STOML3: variants seen among roughly 807,000 people sequenced by gnomAD.
The protein encoded by STOML3 is stomatin-like protein 3.
Under a neutral mutation model 29.5 loss-of-function variants are expected in STOML3, and 31 were observed. The ratio of observed to expected loss-of-function variants is 1.05; its 90% CI spans 0.79 to 1.42. STOML3 has a LOEUF of 1.42. STOML3 is among the 40% of genes most tolerant of loss of function. STOML3 has a pLI of 0.00. For missense variants in STOML3, 380 were observed against 363.0 expected (o/e 1.05, Z -0.38); for synonymous variants, 122 against 139.8 (o/e 0.87, Z 0.90).
chr13:38,974,767 G>A (rs553750380), intron 3 of STOML3, among the ~76,000 whole-genome samples: 1 of 152,208 alleles, frequency 6.6e-6, no homozygotes, highest in East Asian at 1.9e-4. Context: ...ACATTTAATA[G>A]TGAAATCTTA....
At chr13:38,970,096 G>C in intron 5 of STOML3, 89 bp downstream of exon 5, 1 of 1,213,946 alleles carries the variant, frequency 8.2e-7, no homozygotes, top group Non-Finnish European at 1.2e-6. Flanking sequence ...ATGTGGTGGG[G>C]GATGCTTTGA....
At chr13:38,974,253 A>G (rs1469220236) in intron 3 of STOML3, among the ~76,000 whole-genome samples, 1 of 152,160 alleles carries the variant, frequency 6.6e-6, no homozygotes, top group Non-Finnish European at 1.5e-5. Flanking sequence ...AAGGCTTTGC[A>G]TTATTGTTTT....
chr13:38,976,529 G>A lies in STOML3; in HGVS notation c.229+11C>T, dbSNP rs762050451. 72 of 1,613,952 alleles carry A rather than the reference G, an allele frequency of 4.5e-5. No individual in the cohort carries two copies. The highest frequency in any genetic ancestry group is 1.3e-4 in the Admixed American group (8 of 59,976). ...CTGATCTTTCAGGGGCAGCCACCGC[G>A]TCATTCATACCTGGCCCCTTGGCTT... On this transcript the variant is annotated intron_variant, in intron 3 of 6. Transcript: ENST00000379631.
intron 1 of STOML3, among the ~76,000 whole-genome samples, chr13:38,989,928 C>G (rs1370972115): frequency 4.0e-5 from 6 of 150,942 alleles, no homozygotes; most frequent in Admixed American, 1.3e-4. Context: ...ACACCATCAT[C>G]ACACACACAC....
At chr13:38,982,785 G>A (rs1375351772) in intron 1 of STOML3, among the ~76,000 whole-genome samples, 1 of 152,140 alleles carries the variant, frequency 6.6e-6, no homozygotes. Flanking sequence ...TGAGCTCCAA[G>A]ATGTTTACCC....
At chr13:38,981,554 A>G (rs956679760) in intron 1 of STOML3, among the ~76,000 whole-genome samples, 7 of 152,190 alleles carry the variant, frequency 4.6e-5, no homozygotes, top group African/African-American at 1.7e-4. Flanking sequence ...TAAATATTAG[A>G]TCAATACTAC....
intron 1 of STOML3, among the ~76,000 whole-genome samples, chr13:38,988,942 T>C (rs1031069609): frequency 6.9e-6 from 1 of 144,792 alleles, no homozygotes; most frequent in South Asian, 2.1e-4. Flanking sequence ...ATACAATATA[T>C]TATATATACT....
At chr13:38,983,512 G>A (rs1881338040) in intron 1 of STOML3, among the ~76,000 whole-genome samples, 1 of 152,156 alleles carries the variant, frequency 6.6e-6, no homozygotes, top group Admixed American at 6.6e-5. Context: ...ATATATGCAA[G>A]AGCTAAATTT....
At chr13:38,989,832 G>A (rs761199106) in intron 1 of STOML3, among the ~76,000 whole-genome samples, 3 of 151,934 alleles carry the variant, frequency 2.0e-5, no homozygotes, top group African/African-American at 7.3e-5. Flanking sequence ...AATGCCAAAC[G>A]TGTTCTCTAT....
chr13:38,984,722 G>A (rs76247625), intron 1 of STOML3, among the ~76,000 whole-genome samples: 14 of 152,196 alleles, frequency 9.2e-5, no homozygotes, highest in Non-Finnish European at 1.6e-4. Flanking sequence ...ACCTGACAAC[G>A]TATTTCTCAG....
chr13:38,980,567 T>C (rs1246729095), intron 1 of STOML3, among the ~76,000 whole-genome samples: 1 of 99,174 alleles, frequency 1.0e-5, no homozygotes, highest in African/African-American at 4.8e-5. Context: ...CAACACCTTT[T>C]TGGTCACTAA....
intron 1 of STOML3, chr13:38,980,009 A>G (rs1436670373): frequency 6.5e-7 from 1 of 1,529,680 alleles, no homozygotes; most frequent in Non-Finnish European, 8.9e-7. Context: ...CCTTAACACC[A>G]GCTGCACAAG....
chr13:38,972,401 C>T, intron 4 of STOML3, 111 bp downstream of exon 4: 1 of 1,024,386 alleles, frequency 9.8e-7, no homozygotes. Flanking sequence ...TGCGGGTACT[C>T]AGCTCATCTT....
intron 4 of STOML3, 22 bp from the exon 5 acceptor site, chr13:38,970,410 A>C: frequency 6.2e-7 from 1 of 1,601,982 alleles, no homozygotes. Flanking sequence ...GAACAGGGCA[A>C]AATCACTTAT....
Position 38,965,940 on chromosome 13 carries a change from A to T in STOML3, c.*885T>A, listed in dbSNP as rs1880624380. 2.0e-5 allele frequency: 3 copies of T among 152,196 alleles called. No homozygotes were observed. In the South Asian group the frequency reaches 6.2e-4, roughly 32 times the overall value. 9.4% of individuals were successfully genotyped at this position (152,196 alleles called of 1,614,324 possible). Reference sequence around the variant, plus strand: ...TCCCAAAAAGTAACTTTTGAAATTCATTTATATTCTATGCCTTCTTTGTTT... The same window carrying T: ...TCCCAAAAAGTAACTTTTGAAATTCTTTTATATTCTATGCCTTCTTTGTTT... On this transcript the variant is annotated 3_prime_UTR_variant, in exon 7 of 7. Transcript: ENST00000379631.
Position 38,976,701 on chromosome 13 carries a change from C to T in STOML3, c.149G>A (p.Cys50Tyr). 1 of 1,613,902 alleles carries T rather than the reference C, an allele frequency of 6.2e-7. No individual in the cohort carries two copies. The highest frequency in any genetic ancestry group is 8.5e-7 in the Non-Finnish European group (1 of 1,179,874). ...TATTTCCCAGGGTGTTACCTTCAAG[C>T]ACATCCATATGGAGATGGGGAAGGT... ...IITFPISIWM[C>Y]LKIIKEYERA... Residue 50 changes from cysteine to tyrosine, a missense_variant, in exon 2 of 7, where the codon TGC becomes TAC. Physicochemically the swap from Cys to Tyr is radical, Grantham distance 194. Coordinates refer to ENST00000379631, the MANE Select transcript of STOML3 (RefSeq NM_145286.3).
intron 5 of STOML3, among the ~76,000 whole-genome samples, chr13:38,969,787 T>C (rs1047071516): frequency 2.0e-5 from 3 of 152,180 alleles, no homozygotes; most frequent in South Asian, 2.1e-4. Flanking sequence ...GCTGTCTCAA[T>C]TGAATTTAAC....
chr13:38,966,765 G>A lies in STOML3; in HGVS notation c.*60C>T. 7.2e-7 allele frequency: 1 copy of A among 1,386,870 alleles called. No individual in the cohort carries two copies. The highest frequency in any genetic ancestry group is 1.8e-5 in the Admixed American group (1 of 56,954). 85.9% of individuals were successfully genotyped at this position (1,386,870 alleles called of 1,614,324 possible). On this transcript the variant is annotated 3_prime_UTR_variant, in exon 7 of 7. Transcript: ENST00000379631. Reference sequence around the variant, plus strand: ...GGAATTCTCACCGTTTCTAACTACTGGCTTCTCCATAGGAATAGACACCAC... The same window carrying A: ...GGAATTCTCACCGTTTCTAACTACTAGCTTCTCCATAGGAATAGACACCAC...
chr13:38,974,439 G>T (rs976883682), intron 3 of STOML3, among the ~76,000 whole-genome samples: 2 of 152,050 alleles, frequency 1.3e-5, no homozygotes, highest in Admixed American at 1.3e-4. Flanking sequence ...GAACTAGACA[G>T]AGTTAAGTCC....
Sources: gnomAD v4.1 joint callset for allele counts (sites outside exome capture counted in the v4.1 genomes callset) on GRCh38, gnomAD v4.1.1 for gene constraint, MANE v1.5 for transcripts, NCBI Gene and HGNC (gene_info 2026-07-23, HGNC 2026-07-21) for gene names.